The following TAFA2 variants were observed in gnomAD, a reference collection of about 807,000 sequenced individuals.
TAFA2 encodes chemokine-like protein TAFA-2.
In TAFA2, 7 loss-of-function variants were observed where a neutral mutation model predicts 18.8. The observed-to-expected ratio is 0.37, with a 90% CI of 0.21 to 0.70. TAFA2 has a LOEUF of 0.70. TAFA2 is among the 30% of genes least tolerant of loss of function. TAFA2 has a pLI of 0.53. For missense variants in TAFA2, 122 were observed against 158.1 expected (o/e 0.77, Z 1.23); for synonymous variants, 60 against 54.2 (o/e 1.11, Z -0.47).
rs1322408387 is a variant in TAFA2, at chr12:61,872,939, A to G, written c.-1-5513T>C. 2.0e-5 allele frequency among the ~76,000 whole-genome samples: 3 copies of G among 152,060 alleles called. No individual in the cohort carries two copies. In the East Asian group the frequency reaches 5.8e-4, roughly 29 times the overall value. ...CTAATCTAAAATTATTCTATTCACTATTTTATACATTTGTATAAGTGTCTA... is the reference window on the plus strand; with the variant it reads ...CTAATCTAAAATTATTCTATTCACTGTTTTATACATTTGTATAAGTGTCTA... On this transcript the variant is annotated intron_variant, in intron 1 of 4. Coordinates refer to ENST00000416284, the MANE Select transcript of TAFA2 (RefSeq NM_178539.5).
At chr12:62,058,800 A>G (rs1172228133) in intron 1 of TAFA2, among the ~76,000 whole-genome samples, 2 of 152,208 alleles carry the variant, frequency 1.3e-5, no homozygotes, top group African/African-American at 2.4e-5. Context: ...ATCTCTAAAG[A>G]AATTTTAAAA....
chr12:62,089,496 G>A (rs1868616446), intron 1 of TAFA2, among the ~76,000 whole-genome samples: 1 of 151,918 alleles, frequency 6.6e-6, no homozygotes, highest in African/African-American at 2.4e-5. Flanking sequence ...TCAGTTGATA[G>A]CCCTAGGATA....
Position 61,927,897 on chromosome 12 carries a change from AC to A in TAFA2, c.-1-60472del, listed in dbSNP as rs1243017661. Among the ~76,000 whole-genome samples the A allele has an allele frequency of 3.9e-5, 6 of 152,340 alleles. No individual in the cohort carries two copies. The South Asian group carries it at 1.0e-3, about 26-fold the overall frequency. On this transcript the variant is annotated intron_variant, in intron 1 of 4. Transcript: ENST00000416284. Reference sequence around the variant, plus strand: ...CTGACCTTTGACAAACCTGACAAAAACAAGCAATGGGGAAAGCATTCCCTAT... The same window carrying A: ...CTGACCTTTGACAAACCTGACAAAAAAAGCAATGGGGAAAGCATTCCCTAT...
chr12:61,740,856 G>GA (rs375897192), intron 4 of TAFA2, among the ~76,000 whole-genome samples: 7,753 of 143,504 alleles, frequency 0.054, 619 homozygotes, highest in African/African-American at 0.18. Context: ...TACTTAATAG[G>GA]AAAAAAAAAA....
At chr12:62,016,808 TGATGAGACAAAAG>T (rs1277559421) in intron 1 of TAFA2, among the ~76,000 whole-genome samples, 6 of 151,910 alleles carry the variant, frequency 3.9e-5, no homozygotes, top group Non-Finnish European at 5.9e-5. Flanking sequence ...CCTGGTACCC[TGATGAGACAAAAG>T]GATGAGACAA....
At chr12:62,021,091 C>T (rs996848321) in intron 1 of TAFA2, among the ~76,000 whole-genome samples, 4 of 152,030 alleles carry the variant, frequency 2.6e-5, no homozygotes, top group African/African-American at 9.7e-5. Flanking sequence ...AAAAAGGTTG[C>T]TAATTTCTAT....
intron 1 of TAFA2, among the ~76,000 whole-genome samples, chr12:62,021,085 AG>A (rs1881114731): frequency 6.6e-6 from 1 of 152,160 alleles, no homozygotes; most frequent in Non-Finnish European, 1.5e-5. Flanking sequence ...AAACAGAAAA[AG>A]GTTGCTAATT....
chr12:61,870,229 C>T (rs1874541076), intron 1 of TAFA2, among the ~76,000 whole-genome samples: 1 of 152,194 alleles, frequency 6.6e-6, no homozygotes, highest in African/African-American at 2.4e-5. Flanking sequence ...ATACTACCTC[C>T]AGAATATCTC....
chr12:61,842,446 T>C (rs1344286841), intron 2 of TAFA2, among the ~76,000 whole-genome samples: 1 of 151,990 alleles, frequency 6.6e-6, no homozygotes, highest in East Asian at 1.9e-4. Context: ...ATGTCTGACA[T>C]TTTCAAATTC....
chr12:62,198,064 T>C (rs2062656118), intron 1 of TAFA2: 1 of 152,244 alleles, frequency 6.6e-6, no homozygotes, highest in Non-Finnish European at 1.5e-5. Context: ...TCCCATCTGC[T>C]GTGGTGGAGA....
At chr12:61,786,467 A>G (rs1014729757) in intron 2 of TAFA2, among the ~76,000 whole-genome samples, 1 of 151,646 alleles carries the variant, frequency 6.6e-6, no homozygotes, top group African/African-American at 2.4e-5. Flanking sequence ...GGTACAAAAA[A>G]AGTCCTATAA....
chr12:62,138,139 C>T (rs1039386430), intron 1 of TAFA2, among the ~76,000 whole-genome samples: 2 of 152,092 alleles, frequency 1.3e-5, no homozygotes, highest in Non-Finnish European at 2.9e-5. Flanking sequence ...GCACATCAGC[C>T]AGGTGTGGTG....
At chr12:61,732,885 A>G (rs1868249335) in intron 4 of TAFA2, among the ~76,000 whole-genome samples, 1 of 152,014 alleles carries the variant, frequency 6.6e-6, no homozygotes, top group Non-Finnish European at 1.5e-5. Context: ...AATATTCCTT[A>G]GTATAGAAAA....
intron 1 of TAFA2, among the ~76,000 whole-genome samples, chr12:61,990,591 G>A (rs919510142): frequency 2.0e-4 from 30 of 146,856 alleles, no homozygotes; most frequent in East Asian, 6.0e-4. Flanking sequence ...CACCCGCCTC[G>A]GCCTCCCAAA....
At chr12:62,101,725 T>C (rs552432369) in intron 1 of TAFA2, among the ~76,000 whole-genome samples, 14 of 152,310 alleles carry the variant, frequency 9.2e-5, no homozygotes, top group African/African-American at 3.1e-4. Context: ...TCTCAATTTT[T>C]ACTGTTTACT....
intron 1 of TAFA2, among the ~76,000 whole-genome samples, chr12:61,934,172 C>T (rs1165466537): frequency 6.6e-6 from 1 of 152,144 alleles, no homozygotes; most frequent in African/African-American, 2.4e-5. Flanking sequence ...ACTCACTATC[C>T]TGAATCCTGT....
chr12:62,057,542 TG>T (rs1882219627), intron 1 of TAFA2, among the ~76,000 whole-genome samples: 1 of 152,172 alleles, frequency 6.6e-6, no homozygotes, highest in Admixed American at 6.5e-5. Context: ...TCTTATTTTT[TG>T]CTTTATTTTA....
intron 1 of TAFA2, among the ~76,000 whole-genome samples, chr12:61,877,219 T>C (rs537031114): frequency 7.0e-4 from 106 of 152,278 alleles, no homozygotes; most frequent in African/African-American, 2.2e-3. Context: ...AAGATTTCAG[T>C]AGCTTTTAGA....
chr12:61,924,897 A>T (rs1877212356), intron 1 of TAFA2, among the ~76,000 whole-genome samples: 1 of 152,234 alleles, frequency 6.6e-6, no homozygotes, highest in Non-Finnish European at 1.5e-5. Flanking sequence ...AGGAGTATTT[A>T]CCAAACAAAT....
Sources: allele counts gnomAD v4.1 joint callset (sites outside exome capture counted in the v4.1 genomes callset), GRCh38; gene constraint gnomAD v4.1.1; transcripts MANE v1.5; gene names NCBI Gene and HGNC (gene_info 2026-07-23, HGNC 2026-07-21).